CCDC14: variants seen among roughly 807,000 people sequenced by gnomAD.
The protein encoded by CCDC14 is coiled-coil domain-containing protein 14.
A neutral mutation model predicts 81.4 loss-of-function variants in CCDC14; 71 were observed. That is an observed-to-expected ratio of 0.87 (90% CI 0.72 to 1.06). The LOEUF (loss-of-function observed/expected upper bound fraction) is 1.06, where lower values mean the gene tolerates loss of function less well. CCDC14 is among the 50% of genes least tolerant of loss of function. CCDC14 has a pLI of 0.00. For missense variants in CCDC14, 1,046 were observed against 1,047.3 expected (o/e 1.00, Z 0.02); for synonymous variants, 332 against 364.8 (o/e 0.91, Z 1.03).
intron 9 of CCDC14, among the ~76,000 whole-genome samples, chr3:123,939,457 T>C (rs1387979460): frequency 4.0e-5 from 6 of 151,172 alleles, no homozygotes; most frequent in African/African-American, 1.2e-4. Context: ...TTTTTTTTTT[T>C]TTTTTTAGAG....
chr3:123,916,262 G>T, intron 12 of CCDC14, among the ~76,000 whole-genome samples: 1 of 152,020 alleles, frequency 6.6e-6, no homozygotes, highest in East Asian at 1.9e-4. Context: ...GCCTCCCAAA[G>T]TTCTGGGATT....
intron 12 of CCDC14, among the ~76,000 whole-genome samples, chr3:123,925,525 T>G (rs2035312771): frequency 6.6e-6 from 1 of 152,134 alleles, no homozygotes; most frequent in Non-Finnish European, 1.5e-5. Flanking sequence ...AACCTCTGCC[T>G]CCTGGGTTCA....
chr3:123,948,607 G>A (rs1271870397), intron 7 of CCDC14, 84 bp downstream of exon 7: 1 of 1,022,230 alleles, frequency 9.8e-7, no homozygotes, highest in Non-Finnish European at 1.4e-6. Flanking sequence ...AGTGCATTAA[G>A]TTATAAGCAA....
At chr3:123,929,801 T>G (rs2035595961) in intron 12 of CCDC14, among the ~76,000 whole-genome samples, 1 of 152,200 alleles carries the variant, frequency 6.6e-6, no homozygotes, top group African/African-American at 2.4e-5. Context: ...CTAATCTACT[T>G]TGTGTCTCTG....
In CCDC14 at chr3:123,948,711, A is replaced by AGGGTGG. The variant is rs1310789977; in HGVS notation, c.658_663dup (p.Pro220_Pro221dup). 1 of 1,601,328 alleles carries AGGGTGG rather than the reference A, an allele frequency of 6.2e-7. No homozygotes were observed. Among genetic ancestry groups the AGGGTGG allele is most frequent in the Admixed American group, 1.8e-5 (1 of 56,126 alleles). ...CGCACAGAATGAACCTTTGGAGGGC[A>AGGGTGG]GGGTGGCCGCTGAAGTGACCAGACT... On this transcript the variant is annotated inframe_insertion, in exon 7 of 13. Transcript: ENST00000409697.
the CCDC14 span, among the ~76,000 whole-genome samples, chr3:123,886,152 TC>T: frequency 1.3e-4 from 18 of 143,326 alleles, no homozygotes; most frequent in South Asian, 4.2e-4. Context: ...TTTTTTTTTT[TC>T]TCTCTCTCTC....
At chr3:123,943,037 C>A (rs1240117832) in intron 9 of CCDC14, among the ~76,000 whole-genome samples, 4 of 151,648 alleles carry the variant, frequency 2.6e-5, no homozygotes, top group Non-Finnish European at 5.9e-5. Context: ...ATATCTGTGA[C>A]ATTATTTTAT....
intron 9 of CCDC14, among the ~76,000 whole-genome samples, chr3:123,934,411 T>C (rs996921852): frequency 1.4e-5 from 2 of 147,844 alleles, no homozygotes; most frequent in African/African-American, 2.6e-5. Context: ...TTTCTGTGTA[T>C]CTTCATCACT....
chr3:123,952,766 G>T (rs917511412), intron 5 of CCDC14: 6 of 279,828 alleles, frequency 2.1e-5, no homozygotes, highest in South Asian at 1.9e-4. Context: ...GTAATAGATC[G>T]CTTAAAGTTC....
chr3:123,935,724 C>T (rs1274787756), intron 9 of CCDC14, among the ~76,000 whole-genome samples: 1 of 152,172 alleles, frequency 6.6e-6, no homozygotes, highest in East Asian at 1.9e-4. Context: ...TTCCCCTTTA[C>T]AACAGAAGCT....
At position 123,949,043 on chromosome 3, in the gene CCDC14, G is replaced by C. The variant is rs780560013; in HGVS notation, c.442C>G (p.Gln148Glu). The change falls in exon 6 of 13, where the codon CAA becomes GAA. Residue 148 changes from glutamine (Q) to glutamate (E), a missense_variant. Gln to Glu is a conservative substitution (Grantham distance 29). Coordinates refer to ENST00000409697, the MANE Select transcript of CCDC14 (RefSeq NM_001366335.1). ...TSDLEQNWSL[Q>E]DHYRMYSPII... ...GGTGAATACATTCTATAATGATCTT[G>C]CAATGACCAGTTTTGCTCTAGGTCT... 15 of 1,613,398 alleles carry C rather than the reference G, an allele frequency of 9.3e-6. No homozygotes were observed. The highest frequency in any genetic ancestry group is 1.3e-5 in the African/African-American group (1 of 74,906).
At chr3:123,926,147 TAAAG>T (rs1461000553) in intron 12 of CCDC14, among the ~76,000 whole-genome samples, 6 of 152,190 alleles carry the variant, frequency 3.9e-5, no homozygotes, top group East Asian at 1.9e-4. Context: ...AAATCAGAGA[TAAAG>T]AAAGGAAGGG....
chr3:123,925,978 G>A (rs1231090474), intron 12 of CCDC14, among the ~76,000 whole-genome samples: 1 of 152,096 alleles, frequency 6.6e-6, no homozygotes, highest in Non-Finnish European at 1.5e-5. Context: ...ATATGCTGGA[G>A]AAACATATCT....
chr3:123,956,838 A>G (rs2037353355), intron 1 of CCDC14, 43 bp from the exon 2 acceptor site: 3 of 1,302,680 alleles, frequency 2.3e-6, no homozygotes, highest in Admixed American at 2.6e-5. Context: ...ATATTTTTCT[A>G]TTATATTTTC....
downstream of CCDC14, among the ~76,000 whole-genome samples, chr3:123,894,270 A>G: frequency 6.6e-6 from 1 of 152,224 alleles, no homozygotes; most frequent in Non-Finnish European, 1.5e-5. Context: ...GGCTGACCAT[A>G]TAATGCAAGG....
the CCDC14 span, among the ~76,000 whole-genome samples, chr3:123,888,040 C>T: frequency 4.6e-5 from 7 of 151,128 alleles, no homozygotes; most frequent in Middle Eastern, 3.4e-3. Flanking sequence ...CTTTATTTCT[C>T]AAATGCTTTT....
At chr3:123,894,773 A>C (rs1406967021), downstream of CCDC14, among the ~76,000 whole-genome samples, 1 of 152,336 alleles carries the variant, frequency 6.6e-6, no homozygotes, top group African/African-American at 2.4e-5. Context: ...CTTAAATATA[A>C]CTGATTTTTG....
At chr3:123,917,947 A>C (rs942507288) in intron 12 of CCDC14, among the ~76,000 whole-genome samples, 1 of 152,144 alleles carries the variant, frequency 6.6e-6, no homozygotes, top group Non-Finnish European at 1.5e-5. Context: ...CTTTATCTTC[A>C]AAAAAGTGAA....
intron 12 of CCDC14, among the ~76,000 whole-genome samples, chr3:123,928,744 T>C (rs2035533994): frequency 6.6e-6 from 1 of 152,224 alleles, no homozygotes; most frequent in South Asian, 2.1e-4. Context: ...AACGTTTACT[T>C]AGGCTAAATC....
Sources: gnomAD v4.1 joint callset for allele counts (sites outside exome capture counted in the v4.1 genomes callset) on GRCh38, gnomAD v4.1.1 for gene constraint, MANE v1.5 for transcripts, NCBI Gene and HGNC (gene_info 2026-07-23, HGNC 2026-07-21) for gene names.